The following MAGI2 variants were observed in gnomAD, a reference collection of about 807,000 sequenced individuals.
MAGI2 encodes the protein membrane-associated guanylate kinase, WW and PDZ domain-containing protein 2.
MAGI2 carries 35 observed loss-of-function variants against 133.3 expected under a neutral mutation model. That is an observed-to-expected ratio of 0.26 (90% CI 0.20 to 0.35). The LOEUF is 0.35. Among genes scored for constraint, MAGI2 ranks in the 10% least tolerant of loss-of-function variants. MAGI2 has a pLI of 1.00. For synonymous variants in MAGI2, 729 were observed against 710.6 expected (o/e 1.03, Z -0.41); for missense variants, 1,636 against 1,863.4 (o/e 0.88, Z 2.25).
chr7:78,080,803 TG>T (rs1203742637), intron 20 of MAGI2, among the ~76,000 whole-genome samples: 1 of 152,154 alleles, frequency 6.6e-6, no homozygotes. Context: ...TCCTGGTTAA[TG>T]GCAACACCAT....
intron 1 of MAGI2, among the ~76,000 whole-genome samples, chr7:79,347,674 A>C (rs1044197992): frequency 4.0e-5 from 6 of 151,892 alleles, no homozygotes; most frequent in African/African-American, 1.2e-4. Flanking sequence ...TAATTTTAAC[A>C]TATATCATAC....
intron 1 of MAGI2, among the ~76,000 whole-genome samples, chr7:79,444,952 G>A (rs1334026909): frequency 1.3e-5 from 2 of 152,206 alleles, no homozygotes; most frequent in Admixed American, 1.3e-4. Context: ...GCATGGTACT[G>A]GTACCAAAAC....
intron 2 of MAGI2, among the ~76,000 whole-genome samples, chr7:78,968,460 T>C (rs1477589068): frequency 6.6e-6 from 1 of 151,848 alleles, no homozygotes; most frequent in Non-Finnish European, 1.5e-5. Context: ...TACAGGTCTT[T>C]TATCTCCTAG....
At chr7:79,122,855 C>A (rs1386191236) in intron 1 of MAGI2, among the ~76,000 whole-genome samples, 1 of 152,086 alleles carries the variant, frequency 6.6e-6, no homozygotes, top group African/African-American at 2.4e-5. Flanking sequence ...CCATGCCCAG[C>A]TAATTTTTGT....
chr7:78,976,501 T>C (rs944043335), intron 2 of MAGI2, among the ~76,000 whole-genome samples: 4 of 150,574 alleles, frequency 2.7e-5, no homozygotes, highest in Non-Finnish European at 5.9e-5. Context: ...ACATCTCATG[T>C]TTTGATGAGA....
chr7:78,659,328 G>T (rs868758064), intron 2 of MAGI2, among the ~76,000 whole-genome samples: 47 of 139,930 alleles, frequency 3.4e-4, no homozygotes, highest in African/African-American at 1.2e-3. Context: ...GTGTGCACTT[G>T]TAGTCCCAGC....
intron 9 of MAGI2, among the ~76,000 whole-genome samples, chr7:78,309,884 G>C (rs1798555427): frequency 6.6e-6 from 1 of 151,892 alleles, no homozygotes; most frequent in Non-Finnish European, 1.5e-5. Flanking sequence ...GAATTATTGA[G>C]AAGATAAAAT....
chr7:78,671,905 T>C (rs1356138517), intron 2 of MAGI2, among the ~76,000 whole-genome samples: 1 of 152,174 alleles, frequency 6.6e-6, no homozygotes, highest in Non-Finnish European at 1.5e-5. Flanking sequence ...ATGACATTAA[T>C]TGGGAGGCTA....
In MAGI2 at chr7:78,836,810, G is replaced by T. The variant is rs189075112; in HGVS notation, c.418+170280C>A. On this transcript the variant is annotated intron_variant, in intron 2 of 21. Transcript: ENST00000354212. ...TTTACCTTCAGATATTTAAGGTGCT[G>T]AACCCTGTATGCCGATGCCCATAAA... 8.4e-3 allele frequency among the ~76,000 whole-genome samples: 1,282 copies of T among 152,252 alleles called. 66 individuals carry two copies. The highest frequency in any genetic ancestry group is 0.077 in the Admixed American group (1,181 of 15,276).
chr7:78,249,723 TA>T lies in MAGI2; in HGVS notation c.2047+6219del, dbSNP rs955194955. 3.8e-4 allele frequency among the ~76,000 whole-genome samples: 57 copies of T among 151,542 alleles called. 1 individual carries two copies. The highest frequency in any genetic ancestry group is 6.6e-4 in the Admixed American group (10 of 15,218). ...TGGGGAGGGTAGTGGGAAGGAGGGG[TA>T]GGGGGAAATTGTACAAAGGATACGA... On this transcript the variant is annotated intron_variant, in intron 10 of 21. Transcript: ENST00000354212.
intron 2 of MAGI2, among the ~76,000 whole-genome samples, chr7:78,770,552 T>C (rs1825482312): frequency 6.6e-6 from 1 of 152,186 alleles, no homozygotes; most frequent in Non-Finnish European, 1.5e-5. Context: ...AGCAAAACAC[T>C]AACTGTTCTC....
intron 13 of MAGI2, among the ~76,000 whole-genome samples, chr7:78,181,443 C>T (rs1464528725): frequency 2.0e-5 from 3 of 152,138 alleles, no homozygotes; most frequent in Admixed American, 6.6e-5. Flanking sequence ...TTTTCCTCAG[C>T]ACTTTTTGCA....
intron 2 of MAGI2, among the ~76,000 whole-genome samples, chr7:78,858,946 G>A (rs947117918): frequency 1.3e-5 from 2 of 152,254 alleles, no homozygotes; most frequent in African/African-American, 4.8e-5. Context: ...ATATATTTAG[G>A]ATAGTTAGCT....
intron 1 of MAGI2, among the ~76,000 whole-genome samples, chr7:79,280,484 C>T (rs556170772): frequency 2.0e-4 from 31 of 151,902 alleles, no homozygotes; most frequent in African/African-American, 5.3e-4. Context: ...AGGAAGTTTT[C>T]GGAAGATTTT....
intron 1 of MAGI2, among the ~76,000 whole-genome samples, chr7:79,072,221 G>A (rs939622687): frequency 1.4e-4 from 22 of 151,992 alleles, no homozygotes; most frequent in African/African-American, 4.6e-4. Context: ...CCTGCAGACT[G>A]GAGCTGTTCC....
rs369347928 is a variant in MAGI2 at position 78,826,314 on chromosome 7, A to G, written c.418+180776T>C. 3.5e-4 allele frequency among the ~76,000 whole-genome samples: 53 copies of G among 149,904 alleles called. 1 individual carries two copies. Among genetic ancestry groups the G allele is most frequent in the East Asian group, 2.7e-3 (14 of 5,094 alleles). ...GCTTGCAGTAAGCCGAGATCGCGCC[A>G]CTGCACTCAGCCTAGGCGACAGAGT... On this transcript the variant is annotated intron_variant, in intron 2 of 21. Coordinates refer to ENST00000354212, the MANE Select transcript of MAGI2 (RefSeq NM_012301.4).
At chr7:78,072,581 T>A (rs1814826958) in intron 21 of MAGI2, 1 of 214,218 alleles carries the variant, frequency 4.7e-6, no homozygotes. Flanking sequence ...GAATATATTG[T>A]CTGGAGTTTA....
At chr7:78,410,863 A>G (rs1370475539) in intron 6 of MAGI2, among the ~76,000 whole-genome samples, 1 of 152,030 alleles carries the variant, frequency 6.6e-6, no homozygotes, top group East Asian at 1.9e-4. Context: ...GGAATATAAT[A>G]TATATAAACC....
intron 1 of MAGI2, among the ~76,000 whole-genome samples, chr7:79,074,753 G>A (rs188560420): frequency 6.6e-6 from 1 of 152,284 alleles, no homozygotes; most frequent in Admixed American, 6.5e-5. Context: ...AGTCAAACAT[G>A]CATGATGGGA....
Sources: allele counts gnomAD v4.1 joint callset (sites outside exome capture counted in the v4.1 genomes callset), GRCh38; gene constraint gnomAD v4.1.1; transcripts MANE v1.5; gene names NCBI Gene and HGNC (gene_info 2026-07-23, HGNC 2026-07-21).